The following NR5A2 variants were observed in gnomAD, a reference collection of about 807,000 sequenced individuals.
NR5A2 encodes CYP7A promoter-binding factor.
A neutral mutation model predicts 62.7 loss-of-function variants in NR5A2; 26 were observed. The observed-to-expected ratio is 0.41, with a 90% CI of 0.30 to 0.58. The LOEUF is 0.58. Ranked by LOEUF, NR5A2 falls within the 20% of genes least tolerant of loss-of-function variation. The probability of loss-of-function intolerance (pLI) is 0.22; values close to 1 mark genes in which losing one functional copy is unlikely to be tolerated. For missense variants in NR5A2, 541 were observed against 669.1 expected, an observed-to-expected ratio of 0.81 and a Z score of 2.11; for synonymous variants, 246 against 241.7, an observed-to-expected ratio of 1.02 and a Z score of -0.16.
intron 5 of NR5A2, among the ~76,000 whole-genome samples, chr1:200,073,694 C>T (rs1332055037): frequency 6.6e-6 from 1 of 151,948 alleles, no homozygotes; most frequent in African/African-American, 2.4e-5. Context: ...AACACACACA[C>T]ACACACCACA....
intron 5 of NR5A2, among the ~76,000 whole-genome samples, chr1:200,074,805 C>A (rs1571428281): frequency 8.2e-6 from 1 of 121,826 alleles, no homozygotes; most frequent in Non-Finnish European, 1.7e-5. Flanking sequence ...TTTTTTAAAT[C>A]ACTATGGACT....
At chr1:200,148,482 A>C (rs1667827424) in intron 7 of NR5A2, among the ~76,000 whole-genome samples, 1 of 151,834 alleles carries the variant, frequency 6.6e-6, no homozygotes, top group South Asian at 2.1e-4. Context: ...CCTGCCAGCA[A>C]CTCGCCCACT....
Position 200,147,970 on chromosome 1 carries a change from G to T in NR5A2, c.1379-25993G>T, listed in dbSNP as rs376493232. ...GTTGCCCTGTGGTAGGCGATGCATCGGGCGGCCGCCTTGACCTCCTCCCGC... is the reference window on the plus strand; with the variant it reads ...GTTGCCCTGTGGTAGGCGATGCATCTGGCGGCCGCCTTGACCTCCTCCCGC... On this transcript the variant is annotated intron_variant, in intron 7 of 7. Coordinates refer to ENST00000367362, the MANE Select transcript of NR5A2 (RefSeq NM_205860.3). This position sits in a 1 kb window ranked among gnomAD's most constrained non-coding sequence, Gnocchi z 4.9. 3.1e-6 allele frequency: 1 copy of T among 322,124 alleles called. No individual in the cohort carries two copies. 20.0% of individuals were successfully genotyped at this position (322,124 alleles called of 1,614,324 possible). A position where few individuals can be genotyped will look rare whatever the true frequency, so the allele number is the denominator to read the frequency against.
intron 5 of NR5A2, among the ~76,000 whole-genome samples, chr1:200,075,423 T>C (rs1663979799): frequency 6.6e-6 from 1 of 152,262 alleles, no homozygotes; most frequent in Non-Finnish European, 1.5e-5. Flanking sequence ...CTTCTATTAC[T>C]GCTTTTGTTA....
chr1:200,062,853 C>T (rs1663288538), intron 5 of NR5A2, among the ~76,000 whole-genome samples: 1 of 152,138 alleles, frequency 6.6e-6, no homozygotes, highest in Non-Finnish European at 1.5e-5. Context: ...TTATTATGTA[C>T]TTTAATTGAT....
At chr1:200,028,822 G>GAAAA (rs1294524617) in intron 1 of NR5A2, among the ~76,000 whole-genome samples, 1 of 152,164 alleles carries the variant, frequency 6.6e-6, no homozygotes, top group Non-Finnish European at 1.5e-5. Context: ...TAACAAGAAA[G>GAAAA]AAAATCAAGG....
At chr1:200,066,217 T>G (rs933684608) in intron 5 of NR5A2, among the ~76,000 whole-genome samples, 3 of 151,996 alleles carry the variant, frequency 2.0e-5, no homozygotes, top group Non-Finnish European at 4.4e-5. Context: ...GGGGGAGAAG[T>G]TGATGGACCC....
chr1:200,107,610 TAAAAG>T (rs1558143149), intron 5 of NR5A2, among the ~76,000 whole-genome samples: 1 of 152,208 alleles, frequency 6.6e-6, no homozygotes, highest in African/African-American at 2.4e-5. Context: ...CTCAGCATCC[TAAAAG>T]AAAAGAAATC....
At chr1:200,071,456 TAAAAC>T (rs1382666110) in intron 5 of NR5A2, among the ~76,000 whole-genome samples, 4 of 152,204 alleles carry the variant, frequency 2.6e-5, no homozygotes, top group Non-Finnish European at 5.9e-5. Context: ...AAATGGCACT[TAAAAC>T]AACAACAGTG....
chr1:200,038,142 G>C (rs1344862738), intron 1 of NR5A2, among the ~76,000 whole-genome samples: 1 of 152,134 alleles, frequency 6.6e-6, no homozygotes, highest in East Asian at 1.9e-4. Context: ...GATGCGGCTG[G>C]GCTGGTGGTC....
intron 7 of NR5A2, among the ~76,000 whole-genome samples, chr1:200,132,359 C>T (rs1667003665): frequency 6.6e-6 from 1 of 152,130 alleles, no homozygotes; most frequent in Non-Finnish European, 1.5e-5. Flanking sequence ...TCCTGTGATA[C>T]AGAGCTGCAT....
intron 7 of NR5A2, among the ~76,000 whole-genome samples, chr1:200,156,315 A>G (rs529192730): frequency 1.1e-4 from 16 of 152,334 alleles, no homozygotes; most frequent in Admixed American, 6.5e-4. Context: ...TCAGAATATT[A>G]TGACTACTGA....
chr1:200,082,746 G>A (rs1664352759), intron 5 of NR5A2, among the ~76,000 whole-genome samples: 1 of 152,124 alleles, frequency 6.6e-6, no homozygotes, highest in South Asian at 2.1e-4. Context: ...ATGTTGATCT[G>A]AATAATTGAT....
chr1:200,053,587 A>ACACG (rs1662767205), intron 5 of NR5A2, among the ~76,000 whole-genome samples: 1 of 151,522 alleles, frequency 6.6e-6, no homozygotes, highest in Admixed American at 6.6e-5. Context: ...ACACACACAC[A>ACACG]CACACACACA....
rs1665939059 is a variant in NR5A2, at chr1:200,111,339, A to C, written c.1230+18A>C. On this transcript the variant is annotated intron_variant, in intron 6 of 7. Transcript: ENST00000367362. Reference sequence around the variant, plus strand: ...GGCAACAAGTGAGTGTAGAGACCAAAAAAAAAAAAAAAGCATCTTTTTATT... The same window carrying C: ...GGCAACAAGTGAGTGTAGAGACCAACAAAAAAAAAAAAGCATCTTTTTATT... 7.4e-7 allele frequency: 1 copy of C among 1,351,466 alleles called. No homozygotes were observed. 83.7% of individuals were successfully genotyped at this position (1,351,466 alleles called of 1,614,324 possible). A position where few individuals can be genotyped will look rare whatever the true frequency, so the allele number is the denominator to read the frequency against.
At chr1:200,029,617 T>C (rs1661477179) in intron 1 of NR5A2, 1 of 152,278 alleles carries the variant, frequency 6.6e-6, no homozygotes, top group East Asian at 1.9e-4. Context: ...TCAAGAAAAG[T>C]ACCGAAGAAG....
intron 5 of NR5A2, among the ~76,000 whole-genome samples, chr1:200,086,162 A>AG (rs1205855549): frequency 6.6e-6 from 1 of 152,234 alleles, no homozygotes; most frequent in African/African-American, 2.4e-5. Flanking sequence ...CAACTCCCAG[A>AG]GTCCAGTATG....
chr1:200,029,159 C>G (rs1268767461), intron 1 of NR5A2: 1 of 408,322 alleles, frequency 2.4e-6, no homozygotes, highest in South Asian at 1.7e-5. Flanking sequence ...CCGCGCAGCT[C>G]CGGTTCCGCG....
At chr1:200,051,743 T>G (rs1321424296) in intron 5 of NR5A2, among the ~76,000 whole-genome samples, 2 of 152,236 alleles carry the variant, frequency 1.3e-5, no homozygotes, top group African/African-American at 4.8e-5. Flanking sequence ...TATTGACATT[T>G]GGAAGAATTC....
Sources: allele counts gnomAD v4.1 joint callset (sites outside exome capture counted in the v4.1 genomes callset), GRCh38; gene constraint gnomAD v4.1.1; non-coding constraint Gnocchi (gnomAD v3.1); transcripts MANE v1.5; gene names NCBI Gene and HGNC (gene_info 2026-07-23, HGNC 2026-07-21).